GGTA1: variants seen among roughly 807,000 people sequenced by gnomAD.
The protein encoded by GGTA1 is glycoprotein alpha-galactosyltransferase 1 (inactive), also known as inactive N-acetyllactosaminide alpha-1,3-galactosyltransferase.
GGTA1 carries 5 observed loss-of-function variants against 2.6 expected under a neutral mutation model. The ratio of observed to expected loss-of-function variants is 1.92; its 90% CI spans 1.00 to 4.04. The LOEUF (loss-of-function observed/expected upper bound fraction) is 4.04, where lower values mean the gene tolerates loss of function less well. Among genes scored for constraint, GGTA1 ranks in the 30% most tolerant of loss-of-function variants. The pLI is 0.00. For synonymous variants in GGTA1, 17 were observed against 5.0 expected, an observed-to-expected ratio of 3.38 and a Z score of -3.19; for missense variants, 50 against 16.7, an observed-to-expected ratio of 2.99 and a Z score of -3.47.
chr9:121,487,347 G>A (rs1006258783), intron 1 of GGTA1, among the ~76,000 whole-genome samples: 1 of 152,012 alleles, frequency 6.6e-6, no homozygotes, highest in Non-Finnish European at 1.5e-5. Context: ...GGAGGCCGAG[G>A]TGGGCAGATC....
downstream of GGTA1, among the ~76,000 whole-genome samples, chr9:121,450,213 A>G (rs1357897650): frequency 6.6e-6 from 1 of 152,098 alleles, no homozygotes; most frequent in Non-Finnish European, 1.5e-5. Flanking sequence ...TATCTGAGGA[A>G]TATAAAAAGG....
rs575111497 is a variant in GGTA1, at chr9:121,458,708, C to T, written c.298+1396G>A. Among the ~76,000 whole-genome samples, 4 of 152,172 alleles carry T rather than the reference C, an allele frequency of 2.6e-5. No homozygotes were observed. The East Asian group carries it at 7.7e-4, about 29-fold the overall frequency. ...TAAAAATAAATATCTGCTCCCTACT[C>T]ATTTGGAGATGAAGCCATGCAAGGG... is the stretch of plus-strand genomic sequence containing the variant. On this transcript the variant is annotated intron_variant, in intron 5 of 5. Transcript: ENST00000481799.
chr9:121,459,314 G>A (rs2064940054), intron 5 of GGTA1, among the ~76,000 whole-genome samples: 1 of 152,104 alleles, frequency 6.6e-6, no homozygotes, highest in Non-Finnish European at 1.5e-5. Flanking sequence ...AAAATTAGCT[G>A]GCCGTGGTGG....
intron 1 of GGTA1, chr9:121,479,423 G>A (rs1328317679): frequency 3.7e-6 from 1 of 272,884 alleles, no homozygotes; most frequent in Non-Finnish European, 7.2e-6. Context: ...AGGCCTTTGG[G>A]AAACGAGCTG....
intron 1 of GGTA1, among the ~76,000 whole-genome samples, chr9:121,482,672 G>A (rs1157705340): frequency 6.6e-6 from 1 of 152,224 alleles, no homozygotes; most frequent in Non-Finnish European, 1.5e-5. Flanking sequence ...AGGAGGCTGA[G>A]GCAGGAGAAT....
intron 1 of GGTA1, among the ~76,000 whole-genome samples, chr9:121,483,306 G>A (rs1828693779): frequency 2.0e-5 from 3 of 152,170 alleles, no homozygotes; most frequent in Non-Finnish European, 2.9e-5. Flanking sequence ...CTACCCAGGC[G>A]CCTCCAGGGA....
intron 1 of GGTA1, among the ~76,000 whole-genome samples, chr9:121,489,884 G>T (rs1203060319): frequency 6.6e-6 from 1 of 152,190 alleles, no homozygotes; most frequent in East Asian, 1.9e-4. Context: ...CTTCCTTAGT[G>T]AAGGAAGTCT....
chr9:121,479,287 G>C, intron 1 of GGTA1: 1 of 364,848 alleles, frequency 2.7e-6, no homozygotes, highest in East Asian at 7.4e-5. Context: ...GCTCCCTTCT[G>C]CAGAAGGAGG....
intron 1 of GGTA1, among the ~76,000 whole-genome samples, chr9:121,485,346 C>G (rs1214630146): frequency 6.6e-6 from 1 of 152,084 alleles, no homozygotes; most frequent in Non-Finnish European, 1.5e-5. Flanking sequence ...GAGTCCCCCA[C>G]CCCACTGGCT....
intron 7 of GGTA1, among the ~76,000 whole-genome samples, chr9:121,449,839 C>CAAAAAAA (rs35123086): frequency 1.3e-4 from 12 of 93,950 alleles, no homozygotes; most frequent in African/African-American, 2.2e-4. Flanking sequence ...GACTCCATCT[C>CAAAAAAA]AAAAAAAAAA....
In GGTA1 at chr9:121,472,879, AT is replaced by A. The variant is rs147790031; in HGVS notation, c.-9-4949del. On this transcript the variant is annotated intron_variant, in intron 1 of 5. Coordinates refer to ENST00000481799, the MANE Select transcript of GGTA1 (RefSeq NM_001382585.1). ...TAGCCCGAATCAGACATACCTCCAAATCCCCGCTCCAAATACAGAGATGTTT... is the reference window on the plus strand; with the variant it reads ...TAGCCCGAATCAGACATACCTCCAAACCCCGCTCCAAATACAGAGATGTTT... Among the ~76,000 whole-genome samples, 517 of 152,214 alleles carry A rather than the reference AT, an allele frequency of 3.4e-3. 1 individual carries two copies. Among genetic ancestry groups the A allele is most frequent in the African/African-American group, 0.012 (491 of 41,530 alleles).
At chr9:121,492,278 G>A (rs1185309024) in intron 1 of GGTA1, among the ~76,000 whole-genome samples, 2 of 151,692 alleles carry the variant, frequency 1.3e-5, no homozygotes, top group Non-Finnish European at 2.9e-5. Flanking sequence ...TTGTTTCATC[G>A]CAGGCGTTGC....
intron 2 of GGTA1, 83 bp from the exon 3 acceptor site, chr9:121,463,411 C>T (rs759683731): frequency 1.3e-4 from 54 of 421,052 alleles, no homozygotes; most frequent in African/African-American, 2.3e-4. Context: ...TCACTGAGCC[C>T]GGGGCTGAGC....
downstream of GGTA1, chr9:121,451,940 A>T (rs1361273086): frequency 6.6e-6 from 1 of 152,144 alleles, no homozygotes; most frequent in Non-Finnish European, 1.5e-5. Flanking sequence ...TGAGGTAGGA[A>T]TGAGTGGACT....
chr9:121,450,009 G>A (rs1453527084), intron 7 of GGTA1, among the ~76,000 whole-genome samples: 3 of 152,126 alleles, frequency 2.0e-5, no homozygotes, highest in Non-Finnish European at 4.4e-5. Context: ...CTAAACACAC[G>A]TGGACTGAAT....
At chr9:121,497,457 A>C (rs1394587069) in intron 1 of GGTA1, among the ~76,000 whole-genome samples, 1 of 152,120 alleles carries the variant, frequency 6.6e-6, no homozygotes, top group East Asian at 1.9e-4. Context: ...CCAGAACTGC[A>C]TTCAAATCCT....
At chr9:121,486,452 G>A (rs1183294658) in intron 1 of GGTA1, among the ~76,000 whole-genome samples, 1 of 152,246 alleles carries the variant, frequency 6.6e-6, no homozygotes, top group Non-Finnish European at 1.5e-5. Context: ...TAAGACAGCA[G>A]TCAGGACTCC....
At chr9:121,462,997 A>G (rs1287528297) in intron 3 of GGTA1, 3 of 206,264 alleles carry the variant, frequency 1.5e-5, no homozygotes, top group Non-Finnish European at 9.8e-6. Context: ...AAAGGGCAGA[A>G]TAATAGACAA....
chr9:121,488,563 C>CA (rs1288884364), intron 1 of GGTA1, among the ~76,000 whole-genome samples: 27 of 152,064 alleles, frequency 1.8e-4, no homozygotes, highest in Non-Finnish European at 4.0e-4. Context: ...CATATAAATA[C>CA]AAAAAATTAG....
Sources: allele counts gnomAD v4.1 joint callset (sites outside exome capture counted in the v4.1 genomes callset), GRCh38; gene constraint gnomAD v4.1.1; transcripts MANE v1.5; gene names NCBI Gene and HGNC (gene_info 2026-07-23, HGNC 2026-07-21).